PRKCZ: variants seen among roughly 807,000 people sequenced by gnomAD.
PRKCZ encodes the protein protein kinase C zeta, also known as protein kinase C zeta type.
Under a neutral mutation model 79.5 loss-of-function variants are expected in PRKCZ, and 33 were observed. The ratio of observed to expected loss-of-function variants is 0.41; its 90% CI spans 0.31 to 0.55. The LOEUF (loss-of-function observed/expected upper bound fraction) is 0.55. Ranked by LOEUF, PRKCZ falls within the 20% of genes least tolerant of loss-of-function variation. The probability of loss-of-function intolerance (pLI) is 0.19; values close to 1 mark genes in which losing one functional copy is unlikely to be tolerated. For missense variants in PRKCZ, 578 were observed against 813.5 expected (o/e 0.71, Z 3.52); for synonymous variants, 342 against 320.9 (o/e 1.07, Z -0.70).
At chr1:2,089,016 A>G (rs1478690304) in intron 4 of PRKCZ, among the ~76,000 whole-genome samples, 1 of 152,204 alleles carries the variant, frequency 6.6e-6, no homozygotes, top group Non-Finnish European at 1.5e-5. Context: ...TTTATAGAAA[A>G]TACTAGTGAT....
rs185738863 is a variant in PRKCZ, at chr1:2,180,562, G to A, written c.1576-4021G>A. On this transcript the variant is annotated intron_variant, in intron 16 of 17. Coordinates refer to ENST00000378567, the MANE Select transcript of PRKCZ (RefSeq NM_002744.6). ...CGGACGACGTGGATGCATGGACGAC[G>A]TGGACGCACAGATGACCTGGACGCA... is the stretch of plus-strand genomic sequence containing the variant. Among the ~76,000 whole-genome samples, 35 of 151,330 alleles carry A rather than the reference G, an allele frequency of 2.3e-4. No homozygotes were observed. In the Middle Eastern group the frequency reaches 0.017, roughly 74 times the overall value.
chr1:2,055,953 G>T (rs1435715950), intron 2 of PRKCZ: 1 of 196,892 alleles, frequency 5.1e-6, no homozygotes, highest in Non-Finnish European at 1.0e-5. Context: ...GGCCTGCCGT[G>T]TCCACCTCCT....
At chr1:2,155,719 G>A (rs1680894186) in intron 9 of PRKCZ, among the ~76,000 whole-genome samples, 1 of 150,590 alleles carries the variant, frequency 6.6e-6, no homozygotes, top group Non-Finnish European at 1.5e-5. Flanking sequence ...TGACAGTGAC[G>A]ATGATAGTGG....
chr1:2,092,918 C>G (rs1665767957), intron 4 of PRKCZ, among the ~76,000 whole-genome samples: 2 of 152,194 alleles, frequency 1.3e-5, no homozygotes, highest in African/African-American at 2.4e-5. Context: ...GCGGACACAT[C>G]TCTTGCCTTC....
Position 2,185,382 on chromosome 1 carries a change from C to T in PRKCZ, c.*373C>T. Reference sequence around the variant, plus strand: ...GTAGCGTCCTGAGGAATAAAATGTTCCGATGATGTGGAAGCTCCTCTGATG... The same window carrying T: ...GTAGCGTCCTGAGGAATAAAATGTTTCGATGATGTGGAAGCTCCTCTGATG... On this transcript the variant is annotated 3_prime_UTR_variant, in exon 18 of 18. Transcript: ENST00000378567. 1 of 718,762 alleles carries T rather than the reference C, an allele frequency of 1.4e-6. No homozygotes were observed. The highest frequency in any genetic ancestry group is 2.7e-5 in the East Asian group (1 of 37,282). The allele number at this position is 718,762 out of a possible 1,614,324, so 44.5% of individuals were successfully genotyped here. A position where few individuals can be genotyped will look rare whatever the true frequency, so the allele number is the denominator to read the frequency against.
intron 5 of PRKCZ, among the ~76,000 whole-genome samples, chr1:2,136,872 G>C (rs1199988224): frequency 2.6e-5 from 4 of 152,200 alleles, no homozygotes; most frequent in African/African-American, 9.7e-5. Flanking sequence ...GCAGTCTGGG[G>C]CTGGAAGTCC....
In PRKCZ at chr1:2,079,282, C is replaced by T. The variant is rs148947025; in HGVS notation, c.334+19691C>T. On this transcript the variant is annotated intron_variant, in intron 4 of 17. Transcript: ENST00000378567. ...GCAGCACCCAGCACATTCATGGCTG[C>T]GAGGCTTCCCGCGTGTGAACTCATT... Among the ~76,000 whole-genome samples, 29 of 152,346 alleles carry T rather than the reference C, an allele frequency of 1.9e-4. 1 individual carries two copies. The East Asian group carries it at 5.0e-3, about 26-fold the overall frequency.
chr1:2,150,606 T>G (rs1318364420), intron 8 of PRKCZ, among the ~76,000 whole-genome samples, 184 bp from the exon 9 acceptor site: 1 of 152,214 alleles, frequency 6.6e-6, no homozygotes, highest in Non-Finnish European at 1.5e-5. Flanking sequence ...TTCTTACCTT[T>G]CATGCCCCAG....
At chr1:2,146,726 C>T (rs754267179) in intron 7 of PRKCZ, among the ~76,000 whole-genome samples, 5 of 152,222 alleles carry the variant, frequency 3.3e-5, no homozygotes, top group Non-Finnish European at 7.3e-5. Context: ...AGTTCTGTCT[C>T]ATTGGGAGAC....
chr1:2,112,855 A>AT (rs924918800), intron 4 of PRKCZ, among the ~76,000 whole-genome samples: 1 of 151,422 alleles, frequency 6.6e-6, no homozygotes, highest in Non-Finnish European at 1.5e-5. Context: ...ATGTCTGGCT[A>AT]TTTTTTTTCT....
At chr1:2,067,093 T>G (rs1029645777) in intron 4 of PRKCZ, among the ~76,000 whole-genome samples, 4 of 152,244 alleles carry the variant, frequency 2.6e-5, no homozygotes, top group African/African-American at 9.6e-5. Flanking sequence ...TTCTTTCTGT[T>G]AACTGATTTC....
chr1:2,060,405 C>T (rs1369165493), intron 4 of PRKCZ, among the ~76,000 whole-genome samples: 1 of 152,156 alleles, frequency 6.6e-6, no homozygotes, highest in Non-Finnish European at 1.5e-5. Flanking sequence ...AGATTCAGGC[C>T]AAGAGGGTGA....
intron 4 of PRKCZ, chr1:2,133,857 G>T (rs993426884): frequency 1.3e-5 from 2 of 152,360 alleles, no homozygotes; most frequent in East Asian, 3.9e-4. Flanking sequence ...CCGTAGGCTG[G>T]TTAGGGCAGG....
At chr1:2,060,375 C>T (rs930305001) in intron 4 of PRKCZ, among the ~76,000 whole-genome samples, 10 of 152,320 alleles carry the variant, frequency 6.6e-5, no homozygotes, top group African/African-American at 1.9e-4. Context: ...CTGTGTTGGG[C>T]GGGAACTGGG....
chr1:2,148,820 G>T, intron 7 of PRKCZ, 52 bp from the exon 8 acceptor site: 5 of 1,582,850 alleles, frequency 3.2e-6, no homozygotes, highest in South Asian at 1.1e-5. Flanking sequence ...TGTGTTCCCA[G>T]TGCGTTCCTG....
At chr1:2,090,953 T>A (rs374650425) in intron 4 of PRKCZ, among the ~76,000 whole-genome samples, 10 of 152,254 alleles carry the variant, frequency 6.6e-5, no homozygotes, top group African/African-American at 2.4e-4. Context: ...GTCTTAAATA[T>A]CATCTTTTCA....
At chr1:2,105,434 C>CT in intron 4 of PRKCZ, among the ~76,000 whole-genome samples, 1 of 152,204 alleles carries the variant, frequency 6.6e-6, no homozygotes, top group Non-Finnish European at 1.5e-5. Flanking sequence ...CAGTCTCACT[C>CT]TTTTGCCCAG....
In PRKCZ at chr1:2,125,436, G is replaced by A. The variant is rs1478084880; in HGVS notation, c.335-9826G>A. Among the ~76,000 whole-genome samples, 4 of 152,192 alleles carry A rather than the reference G, an allele frequency of 2.6e-5. No homozygotes were observed. Among genetic ancestry groups the A allele is most frequent in the African/African-American group, 9.6e-5 (4 of 41,452 alleles). On this transcript the variant is annotated intron_variant, in intron 4 of 17. Coordinates refer to ENST00000378567, the MANE Select transcript of PRKCZ (RefSeq NM_002744.6). The surrounding 1 kb of genome is among the most constrained non-coding windows in gnomAD (Gnocchi z 4.2). ...ATCTCTCAGGGGCACTTTCCTGAAC[G>A]GCTGCTGACAGCAGCATTTGAGGAC...
At chr1:2,140,688 G>T (rs1211424903) in intron 5 of PRKCZ, among the ~76,000 whole-genome samples, 1 of 152,002 alleles carries the variant, frequency 6.6e-6, no homozygotes, top group Non-Finnish European at 1.5e-5. Context: ...GAGCAGGGAG[G>T]CCAGGTGCAG....
Sources: allele counts gnomAD v4.1 joint callset (sites outside exome capture counted in the v4.1 genomes callset), GRCh38; gene constraint gnomAD v4.1.1; non-coding constraint Gnocchi (gnomAD v3.1); transcripts MANE v1.5; gene names NCBI Gene and HGNC (gene_info 2026-07-23, HGNC 2026-07-21).